The following ENOX1 variants were observed in gnomAD, a reference collection of about 807,000 sequenced individuals.
ENOX1 encodes the protein ecto-NOX disulfide-thiol exchanger 1.
A neutral mutation model predicts 82.5 loss-of-function variants in ENOX1; 42 were observed. That is an observed-to-expected ratio of 0.51 (90% CI 0.40 to 0.66). ENOX1 has a LOEUF of 0.66. ENOX1 is among the 30% of genes least tolerant of loss of function. ENOX1 has a pLI of 0.00. For synonymous variants in ENOX1, 271 were observed against 282.2 expected (o/e 0.96, Z 0.40); for missense variants, 608 against 811.6 (o/e 0.75, Z 3.05).
Position 43,541,173 on chromosome 13 carries a change from GTTT to G in ENOX1, c.-218-57024_-218-57022del, listed in dbSNP as rs553504525. ...CTCCAACCTTACACTTCTTCCCTCTGTTTTTTTTTTTTTTTTTTTTTTTTTGCT... is the reference window on the plus strand; with the variant it reads ...CTCCAACCTTACACTTCTTCCCTCTGTTTTTTTTTTTTTTTTTTTTTTGCT... On this transcript the variant is annotated intron_variant, in intron 2 of 16. Transcript: ENST00000690772. 1.8e-3 allele frequency among the ~76,000 whole-genome samples: 119 copies of G among 64,582 alleles called. 1 individual carries two copies. The South Asian group carries it at 0.023, about 13-fold the overall frequency. The allele number at this position is 64,582 out of a possible 152,430, so 42.4% of individuals were successfully genotyped here. A position where few individuals can be genotyped will look rare whatever the true frequency, so the allele number is the denominator to read the frequency against.
intron 2 of ENOX1, among the ~76,000 whole-genome samples, chr13:43,602,214 G>A (rs766520230): frequency 4.0e-5 from 6 of 151,456 alleles, no homozygotes; most frequent in Non-Finnish European, 8.8e-5. Flanking sequence ...CAAAATACAT[G>A]CACACACACA....
chr13:43,327,562 C>T (rs1190097512), intron 9 of ENOX1, among the ~76,000 whole-genome samples: 2 of 152,140 alleles, frequency 1.3e-5, no homozygotes, highest in Non-Finnish European at 2.9e-5. Flanking sequence ...TATGATTAAA[C>T]CTGAACTTCT....
chr13:43,716,605 G>T (rs959304684), intron 1 of ENOX1, among the ~76,000 whole-genome samples: 6 of 152,264 alleles, frequency 3.9e-5, no homozygotes, highest in African/African-American at 9.6e-5. Flanking sequence ...TCTCTTTGCT[G>T]ACAATATAAT....
intron 1 of ENOX1, among the ~76,000 whole-genome samples, chr13:43,762,503 C>A (rs1355524293): frequency 1.3e-5 from 2 of 152,176 alleles, no homozygotes; most frequent in Non-Finnish European, 2.9e-5. Context: ...CCCTCTATGT[C>A]TTTTAAGTGG....
intron 14 of ENOX1, among the ~76,000 whole-genome samples, chr13:43,242,781 A>C (rs771054223): frequency 1.3e-5 from 2 of 152,064 alleles, no homozygotes; most frequent in Non-Finnish European, 2.9e-5. Flanking sequence ...CTGGAATTCT[A>C]CTCTTTCACT....
intron 2 of ENOX1, among the ~76,000 whole-genome samples, chr13:43,624,084 A>C (rs191591499): frequency 1.3e-5 from 2 of 152,268 alleles, no homozygotes; most frequent in African/African-American, 2.4e-5. Context: ...TCTTGCTAGC[A>C]TTTGATGTTG....
intron 2 of ENOX1, among the ~76,000 whole-genome samples, chr13:43,616,204 A>ATATTTTTTT (rs1457149422): frequency 6.5e-5 from 1 of 15,312 alleles, no homozygotes; most frequent in Non-Finnish European, 2.1e-4. Flanking sequence ...ATATATATAT[A>ATATTTTTTT]TTTTTTTTTT....
intron 5 of ENOX1, among the ~76,000 whole-genome samples, chr13:43,375,255 C>G (rs9533467): frequency 0.98 from 148,708 of 151,638 alleles, 72,988 homozygotes; most frequent in East Asian, 1. Context: ...AGAAAAAGAA[C>G]GGGGCGGGGG....
chr13:43,492,597 A>G (rs2076659108), intron 2 of ENOX1, among the ~76,000 whole-genome samples: 3 of 152,196 alleles, frequency 2.0e-5, no homozygotes, highest in South Asian at 4.1e-4. Context: ...ACTTTCCAAG[A>G]AAGTACCAAA....
At chr13:43,643,847 C>G (rs1467996700) in intron 2 of ENOX1, among the ~76,000 whole-genome samples, 1 of 152,040 alleles carries the variant, frequency 6.6e-6, no homozygotes, top group Admixed American at 6.6e-5. Flanking sequence ...CCTCATCTCC[C>G]TACCTCTTCA....
intron 14 of ENOX1, among the ~76,000 whole-genome samples, chr13:43,262,857 GTTTCA>G (rs1046718248): frequency 6.6e-6 from 1 of 152,116 alleles, no homozygotes; most frequent in African/African-American, 2.4e-5. Context: ...AATGTACATG[GTTTCA>G]TTTAACACAC....
At chr13:43,659,755 C>A (rs1012753207) in intron 2 of ENOX1, among the ~76,000 whole-genome samples, 1 of 152,056 alleles carries the variant, frequency 6.6e-6, no homozygotes, top group Non-Finnish European at 1.5e-5. Flanking sequence ...TCCTTGAGTT[C>A]TATTTTTAGG....
rs2044565663 is a variant in ENOX1, at chr13:43,269,462, T to C, written c.1554+8A>G. ...GATTCATAAATCAGAGCTGTTTCAT[T>C]CACTTACTTGTTCCTGCAGGACTTT... On this transcript the variant is annotated splice_region_variant and intron_variant, in intron 13 of 16. Transcript: ENST00000690772. 5.0e-6 allele frequency: 8 copies of C among 1,607,880 alleles called. No homozygotes were observed. The highest frequency in any genetic ancestry group is 6.8e-6 in the Non-Finnish European group (8 of 1,174,390).
chr13:43,622,598 C>T (rs2082785446), intron 2 of ENOX1, among the ~76,000 whole-genome samples: 2 of 152,266 alleles, frequency 1.3e-5, no homozygotes, highest in South Asian at 4.1e-4. Context: ...GTGATGTGAA[C>T]CATCTATGGG....
chr13:43,652,035 A>G (rs1413600071), intron 2 of ENOX1, among the ~76,000 whole-genome samples: 1 of 151,870 alleles, frequency 6.6e-6, no homozygotes, highest in African/African-American at 2.4e-5. Context: ...CTATTCTGTA[A>G]GTGAAGGCCT....
chr13:43,737,438 GTC>G (rs1354130779), intron 1 of ENOX1, among the ~76,000 whole-genome samples: 1 of 152,192 alleles, frequency 6.6e-6, no homozygotes, highest in African/African-American at 2.4e-5. Flanking sequence ...TGCTTGAATA[GTC>G]TGTCAGGTTC....
intron 2 of ENOX1, among the ~76,000 whole-genome samples, chr13:43,519,457 A>G (rs113278676): frequency 2.8e-4 from 43 of 152,228 alleles, no homozygotes; most frequent in African/African-American, 1.0e-3. Flanking sequence ...TGCTTTGACC[A>G]TTTCTTCCCA....
At chr13:43,738,642 C>G (rs1459066745) in intron 1 of ENOX1, among the ~76,000 whole-genome samples, 4 of 152,074 alleles carry the variant, frequency 2.6e-5, no homozygotes. Flanking sequence ...ACAAGCATAC[C>G]AAGATGGCAA....
intron 2 of ENOX1, among the ~76,000 whole-genome samples, chr13:43,561,983 G>A (rs1352274921): frequency 7.2e-6 from 1 of 139,488 alleles, no homozygotes; most frequent in Non-Finnish European, 1.6e-5. Flanking sequence ...AAGGAAGGAA[G>A]GAAGAGAGAG....
Sources: gnomAD v4.1 joint callset for allele counts (sites outside exome capture counted in the v4.1 genomes callset) on GRCh38, gnomAD v4.1.1 for gene constraint, MANE v1.5 for transcripts, NCBI Gene and HGNC (gene_info 2026-07-23, HGNC 2026-07-21) for gene names.